SYNM: variants seen among roughly 807,000 people sequenced by gnomAD.
SYNM encodes the protein synemin, also known as desmuslin.
In SYNM, 95 loss-of-function variants were observed where a neutral mutation model predicts 104.0. The ratio of observed to expected loss-of-function variants is 0.91; its 90% CI spans 0.77 to 1.08. The LOEUF (loss-of-function observed/expected upper bound fraction) is 1.08. SYNM is among the 50% of genes least tolerant of loss of function. SYNM has a pLI of 0.00. For synonymous variants in SYNM, 918 were observed against 869.0 expected (o/e 1.06, Z -0.99); for missense variants, 2,150 against 2,052.2 (o/e 1.05, Z -0.92).
chr15:99,116,418 A>G lies in SYNM; in HGVS notation c.935+2703A>G. ...CAGACTGCCCCAAGTCAGAAAAAGA[A>G]TTTATTACTCATATACCTGAAAGTC... On this transcript the variant is annotated intron_variant, in intron 2 of 3. Transcript: ENST00000336292. Among the ~76,000 whole-genome samples, 2 of 104,260 alleles carry G rather than the reference A, an allele frequency of 1.9e-5. 1 individual carries two copies. The allele number at this position is 104,260 out of a possible 152,430, so 68.4% of individuals were successfully genotyped here.
At chr15:99,120,759 G>A (rs932504805) in intron 2 of SYNM, among the ~76,000 whole-genome samples, 9 of 152,186 alleles carry the variant, frequency 5.9e-5, no homozygotes, top group Non-Finnish European at 1.2e-4. Flanking sequence ...AATCAGGGGA[G>A]GCTTCTAGAG....
chr15:99,109,030 G>T (rs1030905235), intron 1 of SYNM, among the ~76,000 whole-genome samples: 2 of 152,184 alleles, frequency 1.3e-5, no homozygotes, highest in Non-Finnish European at 2.9e-5. Flanking sequence ...GGAGGCAGGA[G>T]CTGGAGGCAG....
At chr15:99,141,197 G>A in the SYNM span, among the ~76,000 whole-genome samples, 2 of 152,202 alleles carry the variant, frequency 1.3e-5, no homozygotes, top group Non-Finnish European at 2.9e-5. Context: ...TATGTAAACT[G>A]TGATATGTAT....
At chr15:99,106,788 C>T (rs1284502230) in intron 1 of SYNM, among the ~76,000 whole-genome samples, 7 of 152,236 alleles carry the variant, frequency 4.6e-5, no homozygotes, top group Admixed American at 1.3e-4. Context: ...CCAGCCCTAG[C>T]GTTTGGCCCT....
At position 99,129,660 on chromosome 15, in the gene SYNM, C is replaced by T. The variant is rs200430140; in HGVS notation, c.1300C>T (p.Leu434Phe). 1.2e-6 allele frequency: 2 copies of T among 1,613,932 alleles called. No homozygotes were observed. Among genetic ancestry groups the T allele is most frequent in the Non-Finnish European group, 1.7e-6 (2 of 1,179,894 alleles). ...NVRTFSPTYG[L>F]LRNTEAQVKT... ...CAGAACTTTCTCTCCAACCTATGGCCTTTTAAGAAATACTGAGGCTCAAGT... is the reference window on the plus strand; with the variant it reads ...CAGAACTTTCTCTCCAACCTATGGCTTTTTAAGAAATACTGAGGCTCAAGT... The change falls in exon 4 of 4, where the codon CTT becomes TTT. Residue 434 changes from leucine (L) to phenylalanine (F), a missense_variant. By Grantham distance (22) the Leu-to-Phe change is conservative. Coordinates refer to ENST00000336292, the MANE Select transcript of SYNM (RefSeq NM_145728.3).
At position 99,129,787 on chromosome 15, in the gene SYNM, G is replaced by GTT; in HGVS notation, c.1427_1428insTT (p.Asp477Ter). Reference sequence around the variant, plus strand: ...GCCCGCGAGTCGTACCGGGATCGCCGAGACAAGGTGGCAGCAGGTGCTTCG... The same window carrying GTT: ...GCCCGCGAGTCGTACCGGGATCGCCGTTAGACAAGGTGGCAGCAGGTGCTTCG... On this transcript the variant is annotated frameshift_variant, in exon 4 of 4. Transcript: ENST00000336292. LOFTEE classifies it low-confidence loss of function (END_TRUNC). The GTT allele has an allele frequency of 6.2e-7, 1 of 1,613,510 alleles. No homozygotes were observed. Among genetic ancestry groups the GTT allele is most frequent in the Non-Finnish European group, 8.5e-7 (1 of 1,179,684 alleles).
rs782056081 is a variant in SYNM at position 99,131,151 on chromosome 15, C to G, written c.2791C>G (p.His931Asp). 1.2e-6 allele frequency: 2 copies of G among 1,601,326 alleles called. No homozygotes were observed. The highest frequency in any genetic ancestry group is 1.7e-6 in the Non-Finnish European group (2 of 1,173,876). The part of the protein sequence containing the change: ...TVIEKEIKIP[H>D]EFHTSMKGIS... ...CATTGAAAAAGAAATTAAAATACCC[C>G]ACGAATTCCACACCTCCATGAAGGG... The change falls in exon 4 of 4, where the codon CAC (histidine) becomes GAC (aspartate). Residue 931 changes from histidine (H) to aspartate (D), a missense_variant. Coordinates refer to ENST00000336292, the MANE Select transcript of SYNM (RefSeq NM_145728.3). The surrounding 1 kb of genome is among the most constrained non-coding windows in gnomAD (Gnocchi z 4.3).
rs782371078 is a variant in SYNM at position 99,129,404 on chromosome 15, A to G, written c.1044A>G (p.Leu348=). ...RNKSYHYTDS[L]LQRENERNLF... is the part of the protein sequence containing the mutation. ...AATCCTATCACTATACCGACTCACT[A>G]CTACAGAGGGAAAATGAAAGGAATC... Residue 348 remains leucine (L), a synonymous_variant, in exon 4 of 4, where the codon CTA becomes CTG. Transcript: ENST00000336292. The G allele has an allele frequency of 2.0e-5, 33 of 1,613,908 alleles. 1 individual carries two copies. In the South Asian group the frequency reaches 3.1e-4, roughly 15 times the overall value.
chr15:99,128,615 C>T (rs2067468953), intron 3 of SYNM, among the ~76,000 whole-genome samples: 1 of 152,300 alleles, frequency 6.6e-6, no homozygotes, highest in Admixed American at 6.5e-5. Flanking sequence ...CTCCTGGCTG[C>T]GTTCTAACCA....
chr15:99,138,199 C>T (rs1371211477), downstream of SYNM: 7 of 1,581,506 alleles, frequency 4.4e-6, no homozygotes, highest in Non-Finnish European at 6.0e-6. Flanking sequence ...CCAGCCTTTG[C>T]TGCCCAGCAG....
At position 99,105,815 on chromosome 15, in the gene SYNM, G is replaced by C; in HGVS notation, c.616G>C (p.Val206Leu). 3 of 1,542,454 alleles carry C rather than the reference G, an allele frequency of 1.9e-6. No homozygotes were observed. Among genetic ancestry groups the C allele is most frequent in the Non-Finnish European group, 2.6e-6 (3 of 1,145,474 alleles). The change falls in exon 1 of 4, where the codon GTG (valine) becomes CTG (leucine). Residue 206 changes from valine (V) to leucine (L), a missense_variant. Val to Leu is a conservative substitution (Grantham distance 32). Transcript: ENST00000336292. The stretch of plus-strand genomic sequence containing the variant: ...GACGGTGCAGCTGTACGAGGACGAG[G>C]TGCGCGAGCTGGAGGAGGCGCTGCG... ...RETVQLYEDEVRELEEALRRG... is the reference protein window; with the variant it reads ...RETVQLYEDELRELEEALRRG...
chr15:99,139,332 A>C (rs2067945153), downstream of SYNM: 2 of 1,613,508 alleles, frequency 1.2e-6, no homozygotes, highest in South Asian at 2.2e-5. Flanking sequence ...CAGCATGCCC[A>C]TGGCCTGCTG....
rs74603848 is a variant in SYNM, at chr15:99,130,272, G to T, written c.1912G>T (p.Val638Leu). 87 of 1,613,818 alleles carry T rather than the reference G, an allele frequency of 5.4e-5. No individual in the cohort carries two copies. Among genetic ancestry groups the T allele is most frequent in the Non-Finnish European group, 6.9e-5 (82 of 1,179,884 alleles). ...GCAAGGCGATTCCATGACAGAAACC[G>T]TAGCAGAAAACATCGTTACCAGTAT... ...SLQGDSMTET[V>L]AENIVTSILK... The change falls in exon 4 of 4, where the codon GTA (valine) becomes TTA (leucine). Residue 638 changes from valine (V) to leucine (L), a missense_variant. Val to Leu is a conservative substitution (Grantham distance 32). Transcript: ENST00000336292.
At position 99,130,806 on chromosome 15, in the gene SYNM, G is replaced by A. The variant is rs540148240; in HGVS notation, c.2446G>A (p.Glu816Lys). Residue 816 changes from glutamate to lysine, a missense_variant, in exon 4 of 4, where the codon GAA becomes AAA. By Grantham distance (56) the Glu-to-Lys change is moderately conservative. Transcript: ENST00000336292. Reference sequence around the variant, plus strand: ...GCCTCAGGAGAACACGACTCACGTGGAAGAAGTGACAGAGGCAGGTGATTC... The same window carrying A: ...GCCTCAGGAGAACACGACTCACGTGAAAGAAGTGACAGAGGCAGGTGATTC... ...KQPQENTTHV[E>K]EVTEAGDSEG... 2.0e-5 allele frequency: 33 copies of A among 1,614,000 alleles called. No individual in the cohort carries two copies. The East Asian group carries it at 6.5e-4, about 32-fold the overall frequency.
downstream of SYNM, chr15:99,138,173 C>T (rs1434747404): frequency 3.7e-6 from 6 of 1,603,938 alleles, no homozygotes; most frequent in Non-Finnish European, 5.1e-6. Flanking sequence ...CCCTCAGCCC[C>T]CCACACCGTT....
In SYNM at chr15:99,132,798, G is replaced by T; in HGVS notation, c.4438G>T (p.Gly1480Ter). 1.2e-6 allele frequency: 2 copies of T among 1,614,012 alleles called. No homozygotes were observed. The highest frequency in any genetic ancestry group is 1.7e-6 in the Non-Finnish European group (2 of 1,179,902). ...GATCCGCAGCCGGACACAGGAAGCG[G>T]GAGCTCTCGGTGTGTCTGACCGTGG... ...EAIRSRTQEA[G>*]ALGVSDRGSW... Residue 1480 changes from glycine (G) to a stop codon, truncating the protein, a stop_gained, in exon 4 of 4, where the codon GGA (glycine) becomes TGA (stop). Transcript: ENST00000336292. LOFTEE classifies it high-confidence loss of function.
intron 2 of SYNM, among the ~76,000 whole-genome samples, chr15:99,121,790 A>G (rs949486319): frequency 8.5e-5 from 13 of 152,240 alleles, no homozygotes; most frequent in Admixed American, 5.9e-4. Context: ...AACAAATGCA[A>G]GAATACCCAG....
rs2067231038 is a variant in SYNM, at chr15:99,105,760, C to T, written c.561C>T (p.Tyr187=). The T allele has an allele frequency of 6.5e-7, 1 of 1,539,038 alleles. No individual in the cohort carries two copies. The highest frequency in any genetic ancestry group is 2.5e-5 in the East Asian group (1 of 40,148). ...GCCTGCGGGAGGTGCACGACAGCTA[C>T]GCACTGCTGGTGGCCGAGTCGTGGC... ...PPRLREVHDS[Y]ALLVAESWRE... Residue 187 remains tyrosine (Y), a synonymous_variant, in exon 1 of 4, where the codon TAC becomes TAT. Coordinates refer to ENST00000336292, the MANE Select transcript of SYNM (RefSeq NM_145728.3).
rs559446471 is a variant in SYNM, at chr15:99,118,927, G to A, written c.935+5212G>A. Among the ~76,000 whole-genome samples the A allele has an allele frequency of 1.0e-3, 158 of 152,320 alleles. 2 individuals carry two copies. The highest frequency in any genetic ancestry group is 3.4e-3 in the Middle Eastern group (1 of 294). On this transcript the variant is annotated intron_variant, in intron 2 of 3. Transcript: ENST00000336292. ...GTGAGCGGGAGCTGTGGGGCTGGGC[G>A]TGGGGCCATGGATACTGAGAAGAGA...
Sources: allele counts gnomAD v4.1 joint callset (sites outside exome capture counted in the v4.1 genomes callset), GRCh38; gene constraint gnomAD v4.1.1; non-coding constraint Gnocchi (gnomAD v3.1); transcripts MANE v1.5; gene names NCBI Gene and HGNC (gene_info 2026-07-23, HGNC 2026-07-21).